Variants in COL21A1 observed in about 807,000 individuals in gnomAD.
The protein encoded by COL21A1 is collagen alpha-1(XXI) chain.
A neutral mutation model predicts 137.9 loss-of-function variants in COL21A1; 149 were observed. That is an observed-to-expected ratio of 1.08 (90% CI 0.95 to 1.24). COL21A1 has a LOEUF of 1.24. Ranked by LOEUF, COL21A1 falls within the 50% of genes most tolerant of loss-of-function variation. The pLI is 0.00. For synonymous variants in COL21A1, 456 were observed against 391.5 expected (o/e 1.16, Z -1.95); for missense variants, 1,167 against 1,158.4 (o/e 1.01, Z -0.11).
At chr6:56,389,779 C>A (rs567561047) in intron 1 of COL21A1, among the ~76,000 whole-genome samples, 1 of 152,250 alleles carries the variant, frequency 6.6e-6, no homozygotes, top group East Asian at 1.9e-4. Context: ...AATGGGATAA[C>A]ATATTCAACA....
chr6:56,057,866 A>G, intron 29 of COL21A1, 22 bp from the exon 30 acceptor site: 1 of 1,476,898 alleles, frequency 6.8e-7, no homozygotes. Flanking sequence ...CATTGGCAAG[A>G]CGTAAACAGA....
Position 56,087,158 on chromosome 6 carries a change from A to G in COL21A1, c.1813-9585T>C, listed in dbSNP as rs141836882. 1.3e-3 allele frequency among the ~76,000 whole-genome samples: 196 copies of G among 152,256 alleles called. 2 individuals are homozygous for G. The highest frequency in any genetic ancestry group is 4.4e-3 in the African/African-American group (184 of 41,554). On this transcript the variant is annotated intron_variant, in intron 17 of 29. Coordinates refer to ENST00000244728, the MANE Select transcript of COL21A1 (RefSeq NM_030820.4). ...TGATTTCCCTGATTGGTTGTGTCAT[A>G]AGATCATGTACAACATTTAGACACA...
intron 1 of COL21A1, among the ~76,000 whole-genome samples, chr6:56,200,602 C>T (rs1300557863): frequency 6.6e-6 from 1 of 151,716 alleles, no homozygotes; most frequent in African/African-American, 2.4e-5. Flanking sequence ...TGGTTTCCAG[C>T]TTCATTCATG....
intron 1 of COL21A1, among the ~76,000 whole-genome samples, chr6:56,286,419 A>G (rs890507395): frequency 6.6e-6 from 1 of 152,196 alleles, no homozygotes; most frequent in Non-Finnish European, 1.5e-5. Context: ...GTACACATAC[A>G]AATACCCATG....
chr6:56,069,232 C>G (rs1005320551), intron 21 of COL21A1, 115 bp from the exon 22 acceptor site: 6 of 556,080 alleles, frequency 1.1e-5, no homozygotes, highest in Non-Finnish European at 1.8e-5. Context: ...AATGTATTGA[C>G]AGTTACTACT....
intron 1 of COL21A1, among the ~76,000 whole-genome samples, chr6:56,321,972 C>A (rs934454923): frequency 4.6e-5 from 7 of 152,064 alleles, no homozygotes; most frequent in African/African-American, 1.7e-4. Flanking sequence ...GCAACAACAA[C>A]CAACCATTTC....
At chr6:56,152,862 T>C (rs1415317753) in intron 10 of COL21A1, among the ~76,000 whole-genome samples, 1 of 152,140 alleles carries the variant, frequency 6.6e-6, no homozygotes, top group Non-Finnish European at 1.5e-5. Flanking sequence ...GTGAACTGCA[T>C]TGGCTCTGGA....
chr6:56,085,731 A>T (rs1012790760), intron 17 of COL21A1, among the ~76,000 whole-genome samples: 12 of 151,766 alleles, frequency 7.9e-5, no homozygotes, highest in Non-Finnish European at 1.6e-4. Flanking sequence ...TTGGGCTTTG[A>T]CCCCAAATTT....
chr6:56,341,367 T>C (rs190724091), intron 1 of COL21A1, among the ~76,000 whole-genome samples: 1 of 152,286 alleles, frequency 6.6e-6, no homozygotes, highest in East Asian at 1.9e-4. Context: ...ATTACATTTG[T>C]TGTGGTAAAT....
chr6:56,124,300 G>A lies in COL21A1; in HGVS notation c.1651-8C>T, dbSNP rs751864096. The A allele has an allele frequency of 2.4e-5, 39 of 1,596,026 alleles. No homozygotes were observed. Among genetic ancestry groups the A allele is most frequent in the Non-Finnish European group, 2.7e-5 (32 of 1,170,454 alleles). ...CTTTTCACCTTTTGCACCCTGTATCGAAAACAAACACTTAAAACACAATCT... is the reference window on the plus strand; with the variant it reads ...CTTTTCACCTTTTGCACCCTGTATCAAAAACAAACACTTAAAACACAATCT... On this transcript the variant is annotated splice_polypyrimidine_tract_variant and splice_region_variant and intron_variant, in intron 14 of 29. Coordinates refer to ENST00000244728, the MANE Select transcript of COL21A1 (RefSeq NM_030820.4).
chr6:56,287,616 C>A (rs1313300554), intron 1 of COL21A1, among the ~76,000 whole-genome samples: 1 of 152,172 alleles, frequency 6.6e-6, no homozygotes, highest in South Asian at 2.1e-4. Flanking sequence ...GAGGCCTCCC[C>A]AGCCATGCTT....
chr6:56,195,689 T>C (rs1031891396), intron 1 of COL21A1, among the ~76,000 whole-genome samples: 4 of 151,628 alleles, frequency 2.6e-5, no homozygotes, highest in Non-Finnish European at 4.4e-5. Context: ...GATGATGAAA[T>C]ACAAAATCCT....
chr6:56,246,604 C>G (rs963204258), intron 1 of COL21A1, among the ~76,000 whole-genome samples: 3 of 152,104 alleles, frequency 2.0e-5, no homozygotes, highest in Non-Finnish European at 4.4e-5. Context: ...TCCAACCCAA[C>G]AGTTTTCAAA....
At chr6:56,308,790 T>G (rs973512352) in intron 1 of COL21A1, among the ~76,000 whole-genome samples, 1 of 152,174 alleles carries the variant, frequency 6.6e-6, no homozygotes, top group African/African-American at 2.4e-5. Flanking sequence ...TAGCTACATA[T>G]CAAGTGCTCA....
At chr6:56,180,328 A>G (rs1368014909) in intron 2 of COL21A1, among the ~76,000 whole-genome samples, 199 bp from the exon 3 acceptor site, 2 of 152,208 alleles carry the variant, frequency 1.3e-5, no homozygotes, top group Non-Finnish European at 2.9e-5. Flanking sequence ...ATTAAAAACA[A>G]ATTTTCTACC....
chr6:56,328,590 C>A (rs1249608890), intron 1 of COL21A1, among the ~76,000 whole-genome samples: 1 of 152,036 alleles, frequency 6.6e-6, no homozygotes, highest in East Asian at 1.9e-4. Context: ...CCAGGAAAGA[C>A]CTGAATAAAT....
At chr6:56,183,512 G>T (rs1050850985) in intron 1 of COL21A1, among the ~76,000 whole-genome samples, 2 of 152,166 alleles carry the variant, frequency 1.3e-5, no homozygotes, top group African/African-American at 4.8e-5. Context: ...CCTTCATTCA[G>T]CAGTTCCTTC....
intron 1 of COL21A1, among the ~76,000 whole-genome samples, chr6:56,314,126 A>G (rs1481034791): frequency 2.0e-5 from 3 of 152,104 alleles, no homozygotes; most frequent in Non-Finnish European, 2.9e-5. Context: ...CTGGGACTAC[A>G]GGCACGCACC....
At chr6:56,059,097 T>C in intron 29 of COL21A1, 68 bp downstream of exon 29, 3 of 1,179,928 alleles carry the variant, frequency 2.5e-6, no homozygotes, top group Non-Finnish European at 3.8e-6. Context: ...TTATTTCACA[T>C]AGATCTATGA....
Sources: gnomAD v4.1 joint callset for allele counts (sites outside exome capture counted in the v4.1 genomes callset) on GRCh38, gnomAD v4.1.1 for gene constraint, MANE v1.5 for transcripts, NCBI Gene and HGNC (gene_info 2026-07-23, HGNC 2026-07-21) for gene names.